DTNB: variants seen among roughly 807,000 people sequenced by gnomAD.
DTNB encodes dystrobrevin beta.
Under a neutral mutation model 90.7 loss-of-function variants are expected in DTNB, and 63 were observed. That is an observed-to-expected ratio of 0.69 (90% CI 0.57 to 0.86). The LOEUF (loss-of-function observed/expected upper bound fraction) is 0.86. DTNB is among the 40% of genes least tolerant of loss of function. The probability of loss-of-function intolerance (pLI) is 0.00; values close to 1 mark genes in which losing one functional copy is unlikely to be tolerated. For missense variants in DTNB, 744 were observed against 807.1 expected (o/e 0.92, Z 0.95); for synonymous variants, 277 against 286.7 (o/e 0.97, Z 0.34).
intron 15 of DTNB, 80 bp downstream of exon 15, chr2:25,427,455 C>A: frequency 1.4e-6 from 2 of 1,418,426 alleles, no homozygotes; most frequent in Non-Finnish European, 2.0e-6. Context: ...TCATCCTATT[C>A]TGACATCACA....
intron 19 of DTNB, among the ~76,000 whole-genome samples, chr2:25,383,108 A>G (rs1020076978): frequency 6.6e-6 from 1 of 152,302 alleles, no homozygotes; most frequent in Middle Eastern, 3.4e-3. Flanking sequence ...CTAGTCCACA[A>G]CAATCTCTTC....
chr2:25,622,241 T>C (rs142083009), intron 4 of DTNB, among the ~76,000 whole-genome samples: 154 of 152,300 alleles, frequency 1.0e-3, no homozygotes, highest in African/African-American at 3.0e-3. Context: ...CCCAGCACTT[T>C]GGGAGGCCAA....
intron 14 of DTNB, among the ~76,000 whole-genome samples, chr2:25,430,885 G>A (rs2053640372): frequency 1.3e-5 from 2 of 152,094 alleles, no homozygotes; most frequent in South Asian, 2.1e-4. Flanking sequence ...TGTAAGCAAC[G>A]TACCATTAAA....
At chr2:25,596,456 T>C in intron 5 of DTNB, 1 of 345,030 alleles carries the variant, frequency 2.9e-6, no homozygotes, top group Non-Finnish European at 5.1e-6. Context: ...CTTAATATTC[T>C]ACTTAAACAT....
chr2:25,386,611 G>A (rs2039540600), intron 18 of DTNB, among the ~76,000 whole-genome samples: 1 of 152,290 alleles, frequency 6.6e-6, no homozygotes, highest in South Asian at 2.1e-4. Flanking sequence ...AGGAGGATAC[G>A]TGAATGGCCT....
intron 16 of DTNB, among the ~76,000 whole-genome samples, chr2:25,394,851 T>C (rs2042005925): frequency 1.3e-5 from 2 of 152,228 alleles, no homozygotes; most frequent in African/African-American, 4.8e-5. Context: ...AAAGTAGATC[T>C]ACTGTTTGAT....
intron 1 of DTNB, among the ~76,000 whole-genome samples, chr2:25,666,470 C>T (rs1038102749): frequency 7.2e-6 from 1 of 138,960 alleles, no homozygotes; most frequent in Non-Finnish European, 1.7e-5. Flanking sequence ...GATTAAAATG[C>T]CCATTATTAT....
At chr2:25,555,303 A>C (rs1324964891) in intron 8 of DTNB, among the ~76,000 whole-genome samples, 2 of 151,800 alleles carry the variant, frequency 1.3e-5, no homozygotes, top group South Asian at 2.1e-4. Context: ...AAAAAAAAAA[A>C]AAAAAACAAA....
At chr2:25,521,309 T>C (rs1268561430) in intron 9 of DTNB, among the ~76,000 whole-genome samples, 1 of 152,022 alleles carries the variant, frequency 6.6e-6, no homozygotes, top group East Asian at 1.9e-4. Flanking sequence ...CAGTCGTTAA[T>C]GACTCAATTC....
At chr2:25,458,363 C>G (rs2060380810) in intron 10 of DTNB, among the ~76,000 whole-genome samples, 1 of 151,428 alleles carries the variant, frequency 6.6e-6, no homozygotes, top group East Asian at 1.9e-4. Context: ...TGGCAGCGAG[C>G]CGTACTTTTT....
chr2:25,451,452 T>A, intron 12 of DTNB, 96 bp downstream of exon 12: 2 of 1,303,056 alleles, frequency 1.5e-6, no homozygotes, highest in Non-Finnish European at 2.1e-6. Flanking sequence ...CCGAGGTACC[T>A]GTTCTCCTAA....
chr2:25,514,576 C>G (rs2074646333), intron 9 of DTNB, among the ~76,000 whole-genome samples: 1 of 140,590 alleles, frequency 7.1e-6, no homozygotes. Context: ...TTTACTAGAT[C>G]TGAATTTTCA....
intron 16 of DTNB, among the ~76,000 whole-genome samples, chr2:25,415,621 T>G (rs951427174): frequency 2.0e-5 from 3 of 152,128 alleles, no homozygotes; most frequent in Non-Finnish European, 4.4e-5. Context: ...TTTCAGCCCC[T>G]TCCACCAGGC....
In DTNB at chr2:25,596,496, C is replaced by CTCT. The variant is rs373398083; in HGVS notation, c.449-257_449-256insAGA. The stretch of plus-strand genomic sequence containing the variant: ...TAACCATTCATGTGTGACTATCCTA[C>CTCT]TTTTGAGTGTTTAAAACTAGATGAT... On this transcript the variant is annotated intron_variant, in intron 5 of 20. Transcript: ENST00000406818. 926 of 257,252 alleles carry CTCT rather than the reference C, an allele frequency of 3.6e-3. 9 individuals are homozygous for CTCT. Among genetic ancestry groups the CTCT allele is most frequent in the African/African-American group, 0.019 (858 of 44,324 alleles). The allele number at this position is 257,252 out of a possible 1,614,324, so 15.9% of individuals were successfully genotyped here.
intron 8 of DTNB, among the ~76,000 whole-genome samples, chr2:25,553,682 G>A (rs1000612986): frequency 2.0e-5 from 3 of 148,512 alleles, no homozygotes; most frequent in African/African-American, 7.5e-5. Context: ...GGAGGTTGCA[G>A]TGAGCTGAGA....
At chr2:25,647,641 G>C (rs866616973) in intron 2 of DTNB, among the ~76,000 whole-genome samples, 2 of 152,110 alleles carry the variant, frequency 1.3e-5, no homozygotes, top group Admixed American at 1.3e-4. Context: ...TTGGGAAGCC[G>C]AGGTGGGAGG....
At position 25,377,325 on chromosome 2, in the gene DTNB, A is replaced by C. The variant is rs1558770674; in HGVS notation, c.*258T>G. On this transcript the variant is annotated 3_prime_UTR_variant, in exon 21 of 21. Transcript: ENST00000406818. ...GACCATGCCCTGAGGGGAGTGATGA[A>C]GGTGCTAGTACATGCAGGGCTGTGC... 1 of 152,896 alleles carries C rather than the reference A, an allele frequency of 6.5e-6. No individual in the cohort carries two copies. The highest frequency in any genetic ancestry group is 1.5e-5 in the Non-Finnish European group (1 of 68,124). The allele number at this position is 152,896 out of a possible 1,614,324, so 9.5% of individuals were successfully genotyped here. A position where few individuals can be genotyped will look rare whatever the true frequency, so the allele number is the denominator to read the frequency against.
chr2:25,444,484 G>A lies in DTNB; in HGVS notation c.1257+7064C>T, dbSNP rs562705508. On this transcript the variant is annotated intron_variant, in intron 12 of 20. Transcript: ENST00000406818. ...TGGGAGGAGGAGGTTGCAGTAAGCC[G>A]AGATTGGGCCACTGCACTCCAGCCT... Among the ~76,000 whole-genome samples the A allele has an allele frequency of 1.3e-3, 199 of 149,870 alleles. 1 individual carries two copies. Among genetic ancestry groups the A allele is most frequent in the African/African-American group, 4.2e-3 (170 of 40,684 alleles).
At chr2:25,495,452 T>G (rs2068616985) in intron 9 of DTNB, among the ~76,000 whole-genome samples, 1 of 152,206 alleles carries the variant, frequency 6.6e-6, no homozygotes, top group African/African-American at 2.4e-5. Flanking sequence ...AACAATATAT[T>G]GTCTAGAAAG....
Sources: gnomAD v4.1 joint callset for allele counts (sites outside exome capture counted in the v4.1 genomes callset) on GRCh38, gnomAD v4.1.1 for gene constraint, MANE v1.5 for transcripts, NCBI Gene and HGNC (gene_info 2026-07-23, HGNC 2026-07-21) for gene names.